The following ABTB3 variants were observed in gnomAD, a reference collection of about 807,000 sequenced individuals.
ABTB3 encodes the protein ankyrin repeat and BTB domain containing 3, also known as ankyrin repeat- and BTB/POZ domain-containing protein 3.
chr12:107,517,505 G>C, the ABTB3 span, among the ~76,000 whole-genome samples: 2 of 152,188 alleles, frequency 1.3e-5, no homozygotes, highest in African/African-American at 4.8e-5. Context: ...CATGAGCTTG[G>C]AATGTTCTTC....
chr12:107,428,825 C>T, the ABTB3 span, among the ~76,000 whole-genome samples: 4 of 152,222 alleles, frequency 2.6e-5, no homozygotes, highest in East Asian at 1.9e-4. Context: ...TGCCAGGCAC[C>T]GTGATAGGCC....
the ABTB3 span, among the ~76,000 whole-genome samples, chr12:107,346,783 T>A: frequency 2.0e-5 from 3 of 152,178 alleles, no homozygotes; most frequent in South Asian, 4.1e-4. Flanking sequence ...TTTTTGTCAA[T>A]AAAAAGTACA....
the ABTB3 span, among the ~76,000 whole-genome samples, chr12:107,450,759 G>A: frequency 6.6e-6 from 1 of 152,100 alleles, no homozygotes; most frequent in African/African-American, 2.4e-5. Flanking sequence ...GGCAAATAAG[G>A]CAACTTCAGC....
At chr12:107,467,541 G>A in the ABTB3 span, among the ~76,000 whole-genome samples, 1 of 152,182 alleles carries the variant, frequency 6.6e-6, no homozygotes, top group Middle Eastern at 3.4e-3. Flanking sequence ...AAGCCACTTC[G>A]AGACCCGCTT....
At chr12:107,522,486 T>G in the ABTB3 span, among the ~76,000 whole-genome samples, 1 of 152,120 alleles carries the variant, frequency 6.6e-6, no homozygotes, top group African/African-American at 2.4e-5. Flanking sequence ...TAGAACATTT[T>G]TATTATGGCA....
At chr12:107,626,301 T>C in the ABTB3 span, among the ~76,000 whole-genome samples, 1 of 152,008 alleles carries the variant, frequency 6.6e-6, no homozygotes, top group Non-Finnish European at 1.5e-5. Flanking sequence ...AGTAATCATG[T>C]GTTTTTAAAA....
the ABTB3 span, among the ~76,000 whole-genome samples, chr12:107,594,907 C>A: frequency 6.6e-6 from 1 of 151,974 alleles, no homozygotes; most frequent in African/African-American, 2.4e-5. Context: ...ACATTTGGGG[C>A]TGGATAATTC....
the ABTB3 span, among the ~76,000 whole-genome samples, chr12:107,473,231 A>G: frequency 1.3e-5 from 2 of 152,200 alleles, no homozygotes; most frequent in African/African-American, 2.4e-5. Context: ...CCACCTGAAC[A>G]CACACACCTG....
the ABTB3 span, among the ~76,000 whole-genome samples, chr12:107,607,982 G>A: frequency 6.6e-6 from 1 of 152,104 alleles, no homozygotes; most frequent in African/African-American, 2.4e-5. Context: ...CCACCACAAA[G>A]TGGGTTCATT....
the ABTB3 span, among the ~76,000 whole-genome samples, chr12:107,634,423 A>T: frequency 1.3e-5 from 2 of 152,162 alleles, no homozygotes; most frequent in African/African-American, 4.8e-5. Flanking sequence ...ATATTTGTAG[A>T]GGGTTTTATT....
chr12:107,405,690 G>C, the ABTB3 span, among the ~76,000 whole-genome samples: 1 of 152,250 alleles, frequency 6.6e-6, no homozygotes, highest in African/African-American at 2.4e-5. Flanking sequence ...CCGGTCCCTG[G>C]GGGGGCTGTG....
chr12:107,470,658 C>T, the ABTB3 span, among the ~76,000 whole-genome samples: 8 of 152,352 alleles, frequency 5.3e-5, no homozygotes, highest in South Asian at 6.2e-4. Flanking sequence ...CGCTGGGCCT[C>T]GTCACTTATC....
At chr12:107,339,680 C>CGT in the ABTB3 span, among the ~76,000 whole-genome samples, 5,880 of 149,198 alleles carry the variant, frequency 0.039, 131 homozygotes, top group Non-Finnish European at 0.05. Context: ...TGTGCATGCA[C>CGT]GTGTGTGTGT....
At chr12:107,452,605 CA>C in the ABTB3 span, among the ~76,000 whole-genome samples, 1 of 152,036 alleles carries the variant, frequency 6.6e-6, no homozygotes, top group Non-Finnish European at 1.5e-5. Flanking sequence ...AATCCCGGGC[CA>C]AGGGGGGTGG....
At chr12:107,372,901 G>A in the ABTB3 span, among the ~76,000 whole-genome samples, 2 of 152,166 alleles carry the variant, frequency 1.3e-5, no homozygotes, top group African/African-American at 2.4e-5. Context: ...GTACATTGCT[G>A]TCTCCCCAGT....
chr12:107,369,190 G>A, the ABTB3 span, among the ~76,000 whole-genome samples: 1 of 152,050 alleles, frequency 6.6e-6, no homozygotes, highest in African/African-American at 2.4e-5. Context: ...GTTCACAAAG[G>A]TATTGTTTCA....
At chr12:107,321,247 A>G in the ABTB3 span, among the ~76,000 whole-genome samples, 6 of 152,084 alleles carry the variant, frequency 3.9e-5, no homozygotes, top group Non-Finnish European at 5.9e-5. Flanking sequence ...CGGGGGCTGG[A>G]GGAGCACTGC....
chr12:107,406,453 G>A, the ABTB3 span, among the ~76,000 whole-genome samples: 1 of 152,150 alleles, frequency 6.6e-6, no homozygotes, highest in African/African-American at 2.4e-5. Context: ...AAAAACCAAT[G>A]ATGCTCTACT....
chr12:107,464,810 C>T, the ABTB3 span, among the ~76,000 whole-genome samples: 7 of 152,274 alleles, frequency 4.6e-5, no homozygotes, highest in Admixed American at 1.3e-4. Flanking sequence ...CTCCCTTGCA[C>T]CCAGGGGATG....
Sources: gnomAD v4.1 joint callset for allele counts (sites outside exome capture counted in the v4.1 genomes callset) on GRCh38, gnomAD v4.1.1 for gene constraint, MANE v1.5 for transcripts, NCBI Gene and HGNC (gene_info 2026-07-23, HGNC 2026-07-21) for gene names.